The following GRAMD1B variants were observed in gnomAD, a reference collection of about 807,000 sequenced individuals.
The protein encoded by GRAMD1B is GRAM domain containing 1B.
In GRAMD1B, 37 loss-of-function variants were observed where a neutral mutation model predicts 99.7. The ratio of observed to expected loss-of-function variants is 0.37; its 90% CI spans 0.29 to 0.49. GRAMD1B has a LOEUF of 0.49. GRAMD1B is among the 20% of genes least tolerant of loss of function. The pLI is 0.98. For synonymous variants in GRAMD1B, 427 were observed against 387.6 expected (o/e 1.10, Z -1.19); for missense variants, 888 against 1,009.2 (o/e 0.88, Z 1.63).
At chr11:123,507,340 T>C (rs1940536343) in intron 2 of GRAMD1B, among the ~76,000 whole-genome samples, 2 of 152,214 alleles carry the variant, frequency 1.3e-5, no homozygotes, top group African/African-American at 4.8e-5. Flanking sequence ...CTCATGGCTT[T>C]TCAAGTTTAT....
At chr11:123,411,684 T>G (rs1384459314) in intron 1 of GRAMD1B, among the ~76,000 whole-genome samples, 1 of 152,182 alleles carries the variant, frequency 6.6e-6, no homozygotes, top group Non-Finnish European at 1.5e-5. Flanking sequence ...AGGCAGGGTC[T>G]TGCTCTGTCA....
chr11:123,620,571 A>ATTTTT (rs1955001812), intron 19 of GRAMD1B, among the ~76,000 whole-genome samples: 1 of 151,568 alleles, frequency 6.6e-6, no homozygotes, highest in South Asian at 2.1e-4. Context: ...TAAGGAGGGC[A>ATTTTT]TTTTTTATTT....
intron 19 of GRAMD1B, among the ~76,000 whole-genome samples, chr11:123,620,370 A>G (rs1954949294): frequency 6.9e-6 from 1 of 143,992 alleles, no homozygotes; most frequent in Non-Finnish European, 1.5e-5. Flanking sequence ...GCTACTTGGG[A>G]GGCTAAGGCA....
chr11:123,403,433 A>AATGATG lies in GRAMD1B; in HGVS notation c.-176+44646_-176+44651dup, dbSNP rs201005893. ...CAAGAGCTAAACTCAGTCTCAAAAT[A>AATGATG]ATGATGATGATGATGATAATAATAA... is the stretch of plus-strand genomic sequence containing the variant. On this transcript the variant is annotated intron_variant, in intron 1 of 20. Coordinates refer to the GRAMD1B transcript ENST00000638157. Among the ~76,000 whole-genome samples the AATGATG allele has an allele frequency of 3.7e-3, 514 of 138,920 alleles. 8 individuals are homozygous for AATGATG. Among genetic ancestry groups the AATGATG allele is most frequent in the African/African-American group, 0.014 (489 of 36,104 alleles). 91.1% of individuals were successfully genotyped at this position (138,920 alleles called of 152,430 possible). A position where few individuals can be genotyped will look rare whatever the true frequency, so the allele number is the denominator to read the frequency against.
At chr11:123,600,667 G>C in intron 8 of GRAMD1B, 119 bp downstream of exon 8, 1 of 628,256 alleles carries the variant, frequency 1.6e-6, no homozygotes, top group Non-Finnish European at 2.8e-6. Flanking sequence ...GTATTGGCCT[G>C]AGTCCTGAAA....
At chr11:123,442,027 TTCTC>T (rs1247220831) in intron 1 of GRAMD1B, among the ~76,000 whole-genome samples, 2 of 152,190 alleles carry the variant, frequency 1.3e-5, no homozygotes, top group Non-Finnish European at 2.9e-5. Flanking sequence ...TGTTTTTTCT[TTCTC>T]ACAGTCAACA....
intron 1 of GRAMD1B, among the ~76,000 whole-genome samples, chr11:123,479,640 A>G (rs1951482292): frequency 1.3e-5 from 2 of 152,090 alleles, no homozygotes; most frequent in African/African-American, 4.8e-5. Flanking sequence ...GGGTTGGCCA[A>G]CTTTCTCTGT....
rs988822250 is a variant in GRAMD1B, at chr11:123,417,217, A to G, written c.-176+58418A>G. Among the ~76,000 whole-genome samples the G allele has an allele frequency of 2.6e-5, 4 of 152,130 alleles. No homozygotes were observed. The East Asian group carries it at 7.7e-4, about 29-fold the overall frequency. ...GTGAAACCCCGTCTCTACTAAAAAT[A>G]CAAAAATTAGCTGGACGTGGTGGTG... On this transcript the variant is annotated intron_variant, in intron 1 of 20. Coordinates refer to the GRAMD1B transcript ENST00000638157.
chr11:123,570,289 G>C (rs1947914781), intron 2 of GRAMD1B, among the ~76,000 whole-genome samples: 1 of 152,162 alleles, frequency 6.6e-6, no homozygotes, highest in Admixed American at 6.5e-5. Flanking sequence ...CGTTAAGGAA[G>C]CATCCTTTGT....
chr11:123,587,610 G>C lies in GRAMD1B; in HGVS notation c.684+3278G>C, dbSNP rs769004043. Among the ~76,000 whole-genome samples, 1 of 152,188 alleles carries C rather than the reference G, an allele frequency of 6.6e-6. No homozygotes were observed. Among genetic ancestry groups the C allele is most frequent in the Non-Finnish European group, 1.5e-5 (1 of 68,036 alleles). ...TTGGCCTCCTGGCGCATTCCTGCGG[G>C]CAGTCTTCTCCATGGCAGCCCCAGA... On this transcript the variant is annotated intron_variant, in intron 4 of 19. Coordinates refer to ENST00000635736, the MANE Select transcript of GRAMD1B (RefSeq NM_001387025.1). This position sits in a 1 kb window ranked among gnomAD's most constrained non-coding sequence, Gnocchi z 4.2.
At chr11:123,578,639 A>G (rs1341966295) in intron 3 of GRAMD1B, among the ~76,000 whole-genome samples, 1 of 152,144 alleles carries the variant, frequency 6.6e-6, no homozygotes, top group African/African-American at 2.4e-5. Flanking sequence ...GTCGGAGAAC[A>G]GACCCTCCCC....
At position 123,623,695 on chromosome 11, in the gene GRAMD1B, A is replaced by G. The variant is rs1239162190; in HGVS notation, c.*1100A>G. 4 of 152,270 alleles carry G rather than the reference A, an allele frequency of 2.6e-5. No homozygotes were observed. Among genetic ancestry groups the G allele is most frequent in the Non-Finnish European group, 4.4e-5 (3 of 68,074 alleles). The allele number at this position is 152,270 out of a possible 1,614,324, so 9.4% of individuals were successfully genotyped here. A position where few individuals can be genotyped will look rare whatever the true frequency, so the allele number is the denominator to read the frequency against. On this transcript the variant is annotated 3_prime_UTR_variant, in exon 20 of 20. Coordinates refer to ENST00000635736, the MANE Select transcript of GRAMD1B (RefSeq NM_001387025.1). Reference sequence around the variant, plus strand: ...CTCTTTGAACGAACCAACATTAGCCAGTGGAGACGACTGTCTGAGACAGTT... The same window carrying G: ...CTCTTTGAACGAACCAACATTAGCCGGTGGAGACGACTGTCTGAGACAGTT...
chr11:123,621,866 T>TTTCTTTTTC (rs751672365), intron 19 of GRAMD1B, among the ~76,000 whole-genome samples: 2 of 73,696 alleles, frequency 2.7e-5, no homozygotes, highest in East Asian at 1.7e-3. Context: ...TCTTTCTTTC[T>TTTCTTTTTC]TTTCTTTCTT....
At chr11:123,599,498 A>G (rs1316198134) in intron 7 of GRAMD1B, 6 of 571,358 alleles carry the variant, frequency 1.1e-5, no homozygotes, top group East Asian at 8.2e-5. Context: ...TTTGAGGCGC[A>G]GTCTCACTCT....
At chr11:123,501,463 G>A (rs1447842058) in intron 2 of GRAMD1B, among the ~76,000 whole-genome samples, 5 of 152,116 alleles carry the variant, frequency 3.3e-5, no homozygotes, top group African/African-American at 9.7e-5. Flanking sequence ...GAGCCACTGC[G>A]CCAGCCTGGA....
chr11:123,549,269 G>T lies in GRAMD1B; in HGVS notation c.453-28098G>T, dbSNP rs1399712764. Among the ~76,000 whole-genome samples the T allele has an allele frequency of 2.6e-5, 4 of 152,298 alleles. No individual in the cohort carries two copies. The South Asian group carries it at 6.2e-4, about 24-fold the overall frequency. On this transcript the variant is annotated intron_variant, in intron 2 of 19. Coordinates refer to ENST00000635736, the MANE Select transcript of GRAMD1B (RefSeq NM_001387025.1). ...GATGAAGAATGATTGTGGGGGCCGG[G>T]CGCAGCAGCTCATGCCTGTAATCCC...
intron 2 of GRAMD1B, among the ~76,000 whole-genome samples, chr11:123,527,379 G>A (rs74872111): frequency 1.3e-5 from 2 of 152,138 alleles, no homozygotes; most frequent in Non-Finnish European, 2.9e-5. Context: ...CCCTTTAGTG[G>A]GTCTTGAAAA....
chr11:123,618,834 C>G, intron 18 of GRAMD1B, 34 bp downstream of exon 18: 1 of 1,042,750 alleles, frequency 9.6e-7, no homozygotes, highest in Admixed American at 2.0e-5. Flanking sequence ...CCTCCACCTT[C>G]ATCCCACCCA....
intron 2 of GRAMD1B, among the ~76,000 whole-genome samples, chr11:123,508,996 T>C (rs986598389): frequency 6.6e-6 from 1 of 152,180 alleles, no homozygotes; most frequent in Non-Finnish European, 1.5e-5. Flanking sequence ...TGCCTTCTTT[T>C]TTAAATTATG....
Sources: gnomAD v4.1 joint callset for allele counts (sites outside exome capture counted in the v4.1 genomes callset) on GRCh38, gnomAD v4.1.1 for gene constraint, Gnocchi (gnomAD v3.1) non-coding constraint, MANE v1.5 for transcripts, NCBI Gene and HGNC (gene_info 2026-07-23, HGNC 2026-07-21) for gene names.